Variants in WNK2 observed in about 807,000 individuals in gnomAD.
The protein encoded by WNK2 is serine/threonine-protein kinase WNK2.
WNK2 carries 67 observed loss-of-function variants against 192.1 expected under a neutral mutation model. The ratio of observed to expected loss-of-function variants is 0.35; its 90% CI spans 0.29 to 0.43. WNK2 has a LOEUF of 0.43. Ranked by LOEUF, WNK2 falls within the 20% of genes least tolerant of loss-of-function variation. The pLI, the probability that WNK2 is intolerant of heterozygous loss-of-function variation, is 1.00. For synonymous variants in WNK2, 1,439 were observed against 1,393.9 expected, an observed-to-expected ratio of 1.03 and a Z score of -0.72; for missense variants, 2,698 against 3,089.7, an observed-to-expected ratio of 0.87 and a Z score of 3.01.
chr9:93,232,660 C>T (rs951487261), intron 4 of WNK2, among the ~76,000 whole-genome samples: 11 of 152,176 alleles, frequency 7.2e-5, no homozygotes, highest in Non-Finnish European at 1.3e-4. Flanking sequence ...TCTGGCTGGG[C>T]GGCTCTTTGC....
intron 2 of WNK2, among the ~76,000 whole-genome samples, chr9:93,215,271 C>T (rs188769728): frequency 6.6e-6 from 1 of 152,176 alleles, no homozygotes; most frequent in African/African-American, 2.4e-5. Flanking sequence ...GCCACCATGC[C>T]CAGCTGATTT....
At position 93,252,928 on chromosome 9, in the gene WNK2, A is replaced by G. The variant is rs1427910235; in HGVS notation, c.1880A>G (p.Asp627Gly). The stretch of plus-strand genomic sequence containing the variant: ...GGCCAGGGCTCTACCGTGTACTCAG[A>G]CTCGCAGAGCAGCCAGCAGAGCGTG... ...DSGQGSTVYS[D>G]SQSSQQSVML... The change falls in exon 9 of 30, where the codon GAC becomes GGC. Residue 627 changes from aspartate (D) to glycine (G), a missense_variant. Physicochemically the swap from Asp to Gly is moderately conservative, Grantham distance 94 (BLOSUM62 -1). Transcript: ENST00000427277. The G allele has an allele frequency of 2.5e-6, 4 of 1,571,404 alleles. No individual in the cohort carries two copies. The highest frequency in any genetic ancestry group is 2.7e-5 in the African/African-American group (2 of 73,492).
At chr9:93,308,094 G>C in intron 27 of WNK2, 1 of 765,478 alleles carries the variant, frequency 1.3e-6, no homozygotes, top group South Asian at 1.9e-5. Flanking sequence ...CCTGTCCCCT[G>C]GCCTGGCTTC....
intron 13 of WNK2, 74 bp from the exon 14 acceptor site, chr9:93,262,596 C>T (rs1588274201): frequency 1.0e-5 from 16 of 1,527,930 alleles, no homozygotes; most frequent in Non-Finnish European, 1.4e-5. Flanking sequence ...GGAGAGCTGA[C>T]TATGCGTGGC....
rs767565547 is a variant in WNK2 at position 93,308,506 on chromosome 9, C to T, written c.6438C>T (p.Leu2146=). Residue 2146 remains leucine, a synonymous_variant, in exon 28 of 30, where the codon CTC becomes CTT. Coordinates refer to ENST00000427277, the MANE Select transcript of WNK2 (RefSeq NM_006648.4). ...TVGAAQLKPT[L]NQLKQTQKLQ... is the part of the protein sequence containing the mutation. ...GGGCCGCGCAGCTGAAGCCCACGCT[C>T]AACCAGCTGAAGCAGACCCAGAAGC... 6.2e-7 allele frequency: 1 copy of T among 1,607,382 alleles called. No individual in the cohort carries two copies. Among genetic ancestry groups the T allele is most frequent in the Admixed American group, 1.7e-5 (1 of 59,332 alleles).
chr9:93,308,556 G>A lies in WNK2; in HGVS notation c.6488G>A (p.Gly2163Asp), dbSNP rs746725806. 1.8e-5 allele frequency: 29 copies of A among 1,599,558 alleles called. No individual in the cohort carries two copies. The East Asian group carries it at 6.5e-4, about 36-fold the overall frequency. Reference sequence around the variant, plus strand: ...CTGCAAGACATGGAGGCCCAGGCAGGCTGGGCTGCCCCTGGCGAGGCGCGG... The same window carrying A: ...CTGCAAGACATGGAGGCCCAGGCAGACTGGGCTGCCCCTGGCGAGGCGCGG... ...QKLQDMEAQAGWAAPGEARAM... is the reference protein window; with the variant it reads ...QKLQDMEAQADWAAPGEARAM... Residue 2163 changes from glycine to aspartate, a missense_variant, in exon 28 of 30, where the codon GGC becomes GAC. By Grantham distance (94) the Gly-to-Asp change is moderately conservative (BLOSUM62 -1). Around this residue, in one of 7 missense-constraint regions of WNK2, gnomAD observed 167 missense variants for 184.2 expected, o/e 0.91. Coordinates refer to ENST00000427277, the MANE Select transcript of WNK2 (RefSeq NM_006648.4).
chr9:93,212,605 G>A (rs558844622), intron 2 of WNK2, among the ~76,000 whole-genome samples: 153 of 152,316 alleles, frequency 1.0e-3, no homozygotes, highest in African/African-American at 3.6e-3. Flanking sequence ...AGGTCCGGCC[G>A]GCCCCTTGCT....
chr9:93,300,170 A>G (rs1273868579), intron 26 of WNK2, 21 bp downstream of exon 26: 1 of 1,595,148 alleles, frequency 6.3e-7, no homozygotes, highest in African/African-American at 1.3e-5. Context: ...GTTCTTTTGT[A>G]TTTTATCACC....
At chr9:93,190,368 A>G (rs1230991700) in intron 2 of WNK2, among the ~76,000 whole-genome samples, 3 of 152,200 alleles carry the variant, frequency 2.0e-5, no homozygotes, top group African/African-American at 7.2e-5. Context: ...GTTTTCTACT[A>G]GAAGCAGGTG....
intron 26 of WNK2, among the ~76,000 whole-genome samples, chr9:93,303,456 G>A (rs928360841): frequency 1.3e-5 from 2 of 152,332 alleles, no homozygotes; most frequent in Middle Eastern, 3.4e-3. Flanking sequence ...TTGGCTCAGG[G>A]ACCCTCCGGT....
At chr9:93,299,736 G>A (rs983609946) in intron 25 of WNK2, among the ~76,000 whole-genome samples, 4 of 152,238 alleles carry the variant, frequency 2.6e-5, no homozygotes, top group African/African-American at 7.2e-5. Flanking sequence ...TCAACGCTGC[G>A]TGGACAGCAG....
intron 19 of WNK2, among the ~76,000 whole-genome samples, chr9:93,287,674 G>A (rs920146278): frequency 2.0e-5 from 3 of 152,186 alleles, no homozygotes; most frequent in Non-Finnish European, 4.4e-5. Context: ...GGGCACGAGG[G>A]AGGGCATCAG....
At chr9:93,220,891 G>C (rs1219977549) in intron 2 of WNK2, among the ~76,000 whole-genome samples, 3 of 152,144 alleles carry the variant, frequency 2.0e-5, no homozygotes, top group African/African-American at 7.2e-5. Flanking sequence ...GACCCAGCCT[G>C]GGTCCCCCTT....
At chr9:93,190,592 G>A (rs946220470) in intron 2 of WNK2, among the ~76,000 whole-genome samples, 12 of 152,182 alleles carry the variant, frequency 7.9e-5, no homozygotes, top group Admixed American at 6.5e-4. Context: ...CTCATTCCTC[G>A]TCAGCATGTT....
rs1304771214 is a variant in WNK2, at chr9:93,263,878, G to A, written c.3580-39G>A. 4.6e-6 allele frequency: 7 copies of A among 1,533,396 alleles called. No individual in the cohort carries two copies. In the East Asian group the frequency reaches 1.5e-4, roughly 32 times the overall value. 95.0% of individuals were successfully genotyped at this position (1,533,396 alleles called of 1,614,324 possible). On this transcript the variant is annotated intron_variant, in intron 15 of 29. Coordinates refer to ENST00000427277, the MANE Select transcript of WNK2 (RefSeq NM_006648.4). Reference sequence around the variant, plus strand: ...GTGGGGGTGTGGCGGGTGCACGTGTGGGTACGCCCGTGGTGGGTGCTGATG... The same window carrying A: ...GTGGGGGTGTGGCGGGTGCACGTGTAGGTACGCCCGTGGTGGGTGCTGATG...
intron 19 of WNK2, 43 bp downstream of exon 19, chr9:93,268,789 G>A (rs1564134900): frequency 1.3e-6 from 2 of 1,594,278 alleles, no homozygotes; most frequent in East Asian, 2.3e-5. Flanking sequence ...CCTGTTTCAT[G>A]TACAGGCCTC....
rs562324215 is a variant in WNK2 at position 93,306,949 on chromosome 9, A to G, written c.6259+128A>G. 4.6e-5 allele frequency: 54 copies of G among 1,182,192 alleles called. No individual in the cohort carries two copies. The African/African-American group carries it at 7.3e-4, about 16-fold the overall frequency. The allele number at this position is 1,182,192 out of a possible 1,614,324, so 73.2% of individuals were successfully genotyped here. ...CCTGTGCCTGCCCCGCGCCTGCTCC[A>G]TGCCTCTCGGCCGGGCACTGCTTCG... On this transcript the variant is annotated intron_variant, in intron 27 of 29. Coordinates refer to ENST00000427277, the MANE Select transcript of WNK2 (RefSeq NM_006648.4).
chr9:93,188,329 G>A (rs1564255352), intron 2 of WNK2, among the ~76,000 whole-genome samples: 1 of 152,184 alleles, frequency 6.6e-6, no homozygotes, highest in Non-Finnish European at 1.5e-5. Context: ...ACGCCTTCAT[G>A]TGGACCTAGT....
rs184883096 is a variant in WNK2 at position 93,309,091 on chromosome 9, C to T, written c.6516+507C>T. ...TCACACCTAACTTGTTTGATGTCAG[C>T]GCGAGTTGGAGAAGCATCTGCTGTT... On this transcript the variant is annotated intron_variant, in intron 28 of 29. Coordinates refer to ENST00000427277, the MANE Select transcript of WNK2 (RefSeq NM_006648.4). The T allele has an allele frequency of 1.5e-3, 1,527 of 987,428 alleles. 4 individuals are homozygous for T. The highest frequency in any genetic ancestry group is 1.7e-3 in the Non-Finnish European group (1,390 of 831,376). The allele number at this position is 987,428 out of a possible 1,614,324, so 61.2% of individuals were successfully genotyped here.
Sources: gnomAD v4.1 joint callset for allele counts (sites outside exome capture counted in the v4.1 genomes callset) on GRCh38, gnomAD v4.1.1 for gene constraint, gnomAD v4.1.1 regional missense constraint, MANE v1.5 for transcripts, NCBI Gene and HGNC (gene_info 2026-07-23, HGNC 2026-07-21) for gene names.